Variants in SBF2 observed in about 807,000 individuals in gnomAD.
SBF2 encodes the protein myotubularin-related protein 13.
A neutral mutation model predicts 225.2 loss-of-function variants in SBF2; 112 were observed. The ratio of observed to expected loss-of-function variants is 0.50; its 90% confidence interval spans 0.43 to 0.58. The LOEUF (loss-of-function observed/expected upper bound fraction) is 0.58, where lower values mean the gene tolerates loss of function less well. Ranked by LOEUF, SBF2 falls within the 20% of genes least tolerant of loss-of-function variation. The pLI, the probability that SBF2 is intolerant of heterozygous loss-of-function variation, is 0.00. For synonymous variants in SBF2, 763 were observed against 773.3 expected, an observed-to-expected ratio of 0.99 and a Z score of 0.22; for missense variants, 1,996 against 2,206.2, an observed-to-expected ratio of 0.90 and a Z score of 1.91.
At chr11:10,028,592 A>G in intron 5 of SBF2, 35 bp from the exon 6 acceptor site, 1 of 1,284,582 alleles carries the variant, frequency 7.8e-7, no homozygotes, top group Non-Finnish European at 1.1e-6. Flanking sequence ...ACACACACAC[A>G]CGATTTCAGC....
intron 20 of SBF2, among the ~76,000 whole-genome samples, chr11:9,852,980 G>A (rs929500287): frequency 1.3e-5 from 2 of 152,108 alleles, no homozygotes; most frequent in Admixed American, 6.6e-5. Flanking sequence ...ATTTATAATA[G>A]CTAAAAGGGA....
intron 17 of SBF2, among the ~76,000 whole-genome samples, chr11:9,869,491 G>C (rs575607156): frequency 9.2e-5 from 14 of 152,050 alleles, no homozygotes; most frequent in African/African-American, 2.9e-4. Flanking sequence ...GCTAATTTTT[G>C]TATTTTTAGT....
intron 16 of SBF2, chr11:9,958,580 G>C (rs372471488): frequency 3.2e-4 from 64 of 197,024 alleles, no homozygotes; most frequent in African/African-American, 1.3e-3. Flanking sequence ...GGATGGTCTC[G>C]ATCTCCTGAC....
At chr11:10,276,229 C>T (rs1962952753) in intron 1 of SBF2, among the ~76,000 whole-genome samples, 1 of 152,148 alleles carries the variant, frequency 6.6e-6, no homozygotes, top group Non-Finnish European at 1.5e-5. Flanking sequence ...AAAGTTTCCA[C>T]TACCAAAAGT....
At chr11:10,137,190 T>G (rs1030371925) in intron 2 of SBF2, among the ~76,000 whole-genome samples, 3 of 152,226 alleles carry the variant, frequency 2.0e-5, no homozygotes, top group Non-Finnish European at 4.4e-5. Context: ...TTTAAAATTT[T>G]TCCACATCTT....
At chr11:9,818,154 A>C (rs1052718415) in intron 28 of SBF2, among the ~76,000 whole-genome samples, 1 of 152,152 alleles carries the variant, frequency 6.6e-6, no homozygotes, top group East Asian at 1.9e-4. Context: ...CATGTTGATC[A>C]GGCTGGTCTC....
chr11:9,842,679 T>G lies in SBF2; in HGVS notation c.3202A>C (p.Ile1068Leu), dbSNP rs751591965. The change falls in exon 25 of 40, where the codon ATT becomes CTT. Residue 1068 changes from isoleucine (I) to leucine (L), a missense_variant. Physicochemically the swap from Ile to Leu is conservative, Grantham distance 5. Transcript: ENST00000256190. ...QYLLKKKTGT[I>L]VEERVNRPGW... ...GGACGATTTACTCTTTCTTCCACAATTGTCCCTGTCTTCTTCTTCAGTAAA... is the reference window on the plus strand; with the variant it reads ...GGACGATTTACTCTTTCTTCCACAAGTGTCCCTGTCTTCTTCTTCAGTAAA... The G allele has an allele frequency of 1.9e-6, 3 of 1,614,052 alleles. No homozygotes were observed. The highest frequency in any genetic ancestry group is 1.3e-5 in the African/African-American group (1 of 74,948).
At chr11:10,219,513 T>C (rs1333652755) in intron 1 of SBF2, among the ~76,000 whole-genome samples, 1 of 152,212 alleles carries the variant, frequency 6.6e-6, no homozygotes, top group African/African-American at 2.4e-5. Context: ...GTCTTGGTGA[T>C]TAACATTTGG....
intron 1 of SBF2, among the ~76,000 whole-genome samples, chr11:10,264,345 C>T (rs1961725797): frequency 6.6e-6 from 1 of 152,022 alleles, no homozygotes; most frequent in Non-Finnish European, 1.5e-5. Context: ...AAGATCTCAC[C>T]TATGTATACT....
intron 3 of SBF2, among the ~76,000 whole-genome samples, chr11:10,035,672 A>G (rs1254497888): frequency 1.3e-5 from 2 of 152,260 alleles, no homozygotes; most frequent in African/African-American, 4.8e-5. Flanking sequence ...AATGCTCATC[A>G]TCACTGGTCA....
chr11:10,260,205 G>C (rs10128609), intron 1 of SBF2, among the ~76,000 whole-genome samples: 3,280 of 152,264 alleles, frequency 0.022, 91 homozygotes, highest in African/African-American at 0.065. Flanking sequence ...TTAGAAGTCT[G>C]CATTATTTGT....
At chr11:10,096,737 A>G (rs1446958053) in intron 2 of SBF2, among the ~76,000 whole-genome samples, 1 of 152,178 alleles carries the variant, frequency 6.6e-6, no homozygotes, top group African/African-American at 2.4e-5. Flanking sequence ...TTGTGACAAT[A>G]ATAATGCACT....
intron 2 of SBF2, among the ~76,000 whole-genome samples, chr11:10,145,735 T>C (rs755676914): frequency 6.6e-6 from 1 of 152,296 alleles, no homozygotes; most frequent in Admixed American, 6.5e-5. Context: ...TAGTGCTCTA[T>C]ACTAATGTCA....
intron 2 of SBF2, among the ~76,000 whole-genome samples, chr11:10,100,964 G>A (rs992596990): frequency 1.3e-5 from 2 of 152,176 alleles, no homozygotes; most frequent in South Asian, 2.1e-4. Flanking sequence ...TTTCTCAGAC[G>A]GAAAATAGAA....
chr11:10,020,488 C>T (rs867766794), intron 6 of SBF2, among the ~76,000 whole-genome samples: 2 of 152,058 alleles, frequency 1.3e-5, no homozygotes, highest in African/African-American at 4.8e-5. Context: ...AAACTGTGCA[C>T]TTGCTCTCTC....
intron 27 of SBF2, among the ~76,000 whole-genome samples, chr11:9,831,328 T>C (rs138539014): frequency 3.2e-4 from 48 of 152,278 alleles, no homozygotes; most frequent in African/African-American, 8.4e-4. Flanking sequence ...ACCCACCAGG[T>C]GGCTTGGGAG....
intron 29 of SBF2, among the ~76,000 whole-genome samples, chr11:9,814,668 A>G (rs1854364236): frequency 6.6e-6 from 1 of 152,228 alleles, no homozygotes; most frequent in African/African-American, 2.4e-5. Flanking sequence ...CTTCAGATAA[A>G]TAACCTAGCG....
At chr11:10,168,520 G>A (rs895592513) in intron 2 of SBF2, among the ~76,000 whole-genome samples, 1 of 152,066 alleles carries the variant, frequency 6.6e-6, no homozygotes, top group African/African-American at 2.4e-5. Flanking sequence ...TCACCAATAG[G>A]AAACAGGCTG....
chr11:9,936,002 C>G (rs1278781177), intron 16 of SBF2, among the ~76,000 whole-genome samples: 1 of 152,074 alleles, frequency 6.6e-6, no homozygotes, highest in Non-Finnish European at 1.5e-5. Flanking sequence ...AAGAAACTAC[C>G]ATCAGAGTGA....
Sources: allele counts gnomAD v4.1 joint callset (sites outside exome capture counted in the v4.1 genomes callset), GRCh38; gene constraint gnomAD v4.1.1; transcripts MANE v1.5; gene names NCBI Gene and HGNC (gene_info 2026-07-23, HGNC 2026-07-21).